DOK6: variants seen among roughly 807,000 people sequenced by gnomAD.
DOK6 encodes downstream of tyrosine kinase 6.
A neutral mutation model predicts 44.0 loss-of-function variants in DOK6; 22 were observed. The observed-to-expected ratio is 0.50, with a 90% CI of 0.36 to 0.71. DOK6 has a LOEUF of 0.71. Among genes scored for constraint, DOK6 ranks in the 30% least tolerant of loss-of-function variants. The probability of loss-of-function intolerance (pLI) is 0.00; values close to 1 mark genes in which losing one functional copy is unlikely to be tolerated. For missense variants in DOK6, 340 were observed against 416.4 expected, an observed-to-expected ratio of 0.82 and a Z score of 1.60; for synonymous variants, 166 against 145.5, an observed-to-expected ratio of 1.14 and a Z score of -1.01.
At chr18:69,779,218 C>G (rs1980176296) in intron 7 of DOK6, among the ~76,000 whole-genome samples, 1 of 152,122 alleles carries the variant, frequency 6.6e-6, no homozygotes. Flanking sequence ...TGGTCATGTA[C>G]TTTCCCATTT....
At chr18:69,656,127 G>A (rs1406901739) in intron 3 of DOK6, among the ~76,000 whole-genome samples, 1 of 151,984 alleles carries the variant, frequency 6.6e-6, no homozygotes, top group African/African-American at 2.4e-5. Context: ...ACTGCTGTTA[G>A]AATGGAATGA....
intron 5 of DOK6, among the ~76,000 whole-genome samples, chr18:69,708,335 C>T (rs978498637): frequency 3.3e-5 from 5 of 152,166 alleles, no homozygotes; most frequent in East Asian, 1.9e-4. Flanking sequence ...TGAATCAGAC[C>T]GCTCCGACTC....
At chr18:69,463,023 A>G (rs553472655) in intron 1 of DOK6, among the ~76,000 whole-genome samples, 1 of 152,330 alleles carries the variant, frequency 6.6e-6, no homozygotes, top group African/African-American at 2.4e-5. Context: ...GTCCATTTGG[A>G]TGGCTGTAAC....
intron 5 of DOK6, among the ~76,000 whole-genome samples, chr18:69,704,239 C>A (rs978343650): frequency 6.6e-6 from 1 of 152,146 alleles, no homozygotes; most frequent in African/African-American, 2.4e-5. Context: ...AGCCCCCCCA[C>A]CCCACATCTG....
intron 2 of DOK6, among the ~76,000 whole-genome samples, chr18:69,582,325 A>C (rs897221000): frequency 1.3e-5 from 2 of 152,220 alleles, no homozygotes; most frequent in African/African-American, 4.8e-5. Flanking sequence ...AGTTCGTGAA[A>C]GTATAAAGAA....
At chr18:69,757,944 G>T in intron 7 of DOK6, 71 bp downstream of exon 7, 1 of 1,317,200 alleles carries the variant, frequency 7.6e-7, no homozygotes, top group Admixed American at 1.7e-5. Context: ...CATGCAAATT[G>T]CTTTGTATTT....
At chr18:69,697,264 G>A (rs1986409618) in intron 4 of DOK6, among the ~76,000 whole-genome samples, 1 of 152,086 alleles carries the variant, frequency 6.6e-6, no homozygotes, top group Non-Finnish European at 1.5e-5. Context: ...ATGTATAATA[G>A]TACATTCCTA....
At chr18:69,507,312 C>A (rs1981223983) in intron 1 of DOK6, among the ~76,000 whole-genome samples, 1 of 152,162 alleles carries the variant, frequency 6.6e-6, no homozygotes, top group South Asian at 2.1e-4. Context: ...CAGGCGTGAG[C>A]CACCGTGCCC....
At chr18:69,423,146 T>G (rs1488028973) in intron 1 of DOK6, among the ~76,000 whole-genome samples, 1 of 152,188 alleles carries the variant, frequency 6.6e-6, no homozygotes, top group East Asian at 1.9e-4. Context: ...CTACGAAGAA[T>G]ACAAAAATTA....
At chr18:69,449,141 A>C (rs995450350) in intron 1 of DOK6, among the ~76,000 whole-genome samples, 2 of 152,246 alleles carry the variant, frequency 1.3e-5, no homozygotes, top group African/African-American at 4.8e-5. Context: ...GTCTTTAATT[A>C]CTAGTTTTTG....
intron 6 of DOK6, among the ~76,000 whole-genome samples, chr18:69,756,748 G>T (rs548472935): frequency 1.6e-4 from 24 of 152,240 alleles, no homozygotes; most frequent in African/African-American, 5.8e-4. Flanking sequence ...GGGTGTGCAG[G>T]TGCACCGTGG....
At position 69,475,827 on chromosome 18, in the gene DOK6, A is replaced by G. The variant is rs933202888; in HGVS notation, c.66+74517A>G. 2.0e-5 allele frequency among the ~76,000 whole-genome samples: 3 copies of G among 152,366 alleles called. No homozygotes were observed. The East Asian group carries it at 5.8e-4, about 29-fold the overall frequency. ...CAAGTTAACTTTCCAGTTTTACTAA[A>G]CACATATTAAACAATATGAGCCACT... On this transcript the variant is annotated intron_variant, in intron 1 of 7. Coordinates refer to ENST00000382713, the MANE Select transcript of DOK6 (RefSeq NM_152721.6).
chr18:69,530,032 T>C (rs1028000687), intron 1 of DOK6, among the ~76,000 whole-genome samples: 5 of 152,180 alleles, frequency 3.3e-5, no homozygotes, highest in Non-Finnish European at 5.9e-5. Flanking sequence ...TGATGTTGTT[T>C]TGAGGACAAA....
chr18:69,757,779 A>G lies in DOK6; in HGVS notation c.762A>G (p.Pro254=). ...KARLQTSLTE[P]MTLSKSISLP... The stretch of plus-strand genomic sequence containing the variant: ...AGCTTCAGACAAGCTTGACTGAACC[A>G]ATGACATTATCCAAATCAATATCTC... Residue 254 remains proline (P), a synonymous_variant, in exon 7 of 8, where the codon CCA becomes CCG. Transcript: ENST00000382713. The G allele has an allele frequency of 6.2e-7, 1 of 1,614,124 alleles. No homozygotes were observed. The highest frequency in any genetic ancestry group is 8.5e-7 in the Non-Finnish European group (1 of 1,179,978).
At chr18:69,688,857 T>C (rs928561130) in intron 4 of DOK6, among the ~76,000 whole-genome samples, 1 of 152,200 alleles carries the variant, frequency 6.6e-6, no homozygotes, top group African/African-American at 2.4e-5. Context: ...GAAAATAAGT[T>C]ATTCTAGAAT....
intron 1 of DOK6, among the ~76,000 whole-genome samples, chr18:69,435,018 G>GGA (rs112748457): frequency 0.22 from 25,714 of 118,956 alleles, 3,913 homozygotes; most frequent in Middle Eastern, 0.41. Context: ...ATTAGTGTAG[G>GGA]GAGGGAGGGA....
rs371088408 is a variant in DOK6, at chr18:69,717,434, C to T, written c.599+18841C>T. 9.9e-5 allele frequency among the ~76,000 whole-genome samples: 15 copies of T among 151,972 alleles called. No individual in the cohort carries two copies. The East Asian group carries it at 1.5e-3, about 16-fold the overall frequency. ...CTTATAAACAAAAAGTTGCTTAGAG[C>T]GCATGGGTGATTGTTTTAATGGGTT... On this transcript the variant is annotated intron_variant, in intron 5 of 7. Coordinates refer to ENST00000382713, the MANE Select transcript of DOK6 (RefSeq NM_152721.6).
chr18:69,444,575 GATTTTT>G (rs1486690305), intron 1 of DOK6, among the ~76,000 whole-genome samples: 1 of 151,112 alleles, frequency 6.6e-6, no homozygotes, highest in Non-Finnish European at 1.5e-5. Context: ...ATACCATATT[GATTTTT>G]ATTTTTATTT....
At chr18:69,643,191 T>C (rs1350507392) in intron 3 of DOK6, among the ~76,000 whole-genome samples, 1 of 152,250 alleles carries the variant, frequency 6.6e-6, no homozygotes, top group Non-Finnish European at 1.5e-5. Flanking sequence ...AGCCCAACGG[T>C]AATGTTTTGC....
Sources: gnomAD v4.1 joint callset for allele counts (sites outside exome capture counted in the v4.1 genomes callset) on GRCh38, gnomAD v4.1.1 for gene constraint, MANE v1.5 for transcripts, NCBI Gene and HGNC (gene_info 2026-07-23, HGNC 2026-07-21) for gene names.